Variants in PILRB observed in about 807,000 individuals in gnomAD.
PILRB encodes paired immunoglobulin-like type 2 receptor beta.
A neutral mutation model predicts 20.5 loss-of-function variants in PILRB; 21 were observed. The ratio of observed to expected loss-of-function variants is 1.02; its 90% CI spans 0.72 to 1.47. The LOEUF (loss-of-function observed/expected upper bound fraction) is 1.47. Ranked by LOEUF, PILRB falls within the 40% of genes most tolerant of loss-of-function variation. The pLI, the probability that PILRB is intolerant of heterozygous loss-of-function variation, is 0.00. For synonymous variants in PILRB, 133 were observed against 115.1 expected (o/e 1.16, Z -0.99); for missense variants, 253 against 272.1 (o/e 0.93, Z 0.49).
At chr7:100,363,130 CT>C (rs1790579077) in intron 3 of PILRB, among the ~76,000 whole-genome samples, 1 of 117,770 alleles carries the variant, frequency 8.5e-6, no homozygotes, top group African/African-American at 3.4e-5. Flanking sequence ...CCCATCTCTA[CT>C]TAAAAAAAAA....
At chr7:100,359,242 T>C (rs955093212) in intron 2 of PILRB, 95 bp from the exon 3 acceptor site, 4 of 1,519,312 alleles carry the variant, frequency 2.6e-6, no homozygotes, top group African/African-American at 1.4e-5. Context: ...TTGCTCATCC[T>C]GAATGTCCCC....
At chr7:100,362,448 G>A (rs1790555783) in intron 3 of PILRB, among the ~76,000 whole-genome samples, 1 of 151,976 alleles carries the variant, frequency 6.6e-6, no homozygotes, top group Admixed American at 6.6e-5. Context: ...GCAGAATGAA[G>A]GACAAAACCC....
At chr7:100,361,125 C>T (rs1368361099) in intron 3 of PILRB, among the ~76,000 whole-genome samples, 3 of 151,852 alleles carry the variant, frequency 2.0e-5, no homozygotes, top group Non-Finnish European at 4.4e-5. Context: ...TTAGTAGAGA[C>T]GGGGTTTCAC....
At chr7:100,358,418 G>T (rs773724536) in intron 1 of PILRB, 52 bp downstream of exon 1, 2 of 1,593,592 alleles carry the variant, frequency 1.3e-6, no homozygotes, top group Non-Finnish European at 1.7e-6. Context: ...CACAGGAGGG[G>T]CCAACCCAAG....
chr7:100,359,580 G>A (rs1404150799), intron 3 of PILRB, 43 bp downstream of exon 3: 7 of 1,564,312 alleles, frequency 4.5e-6, no homozygotes, highest in Non-Finnish European at 6.2e-6. Flanking sequence ...TTCCCAGCTG[G>A]GGGTTTCTCT....
At chr7:100,361,072 AC>A (rs1362316099) in intron 3 of PILRB, among the ~76,000 whole-genome samples, 11 of 152,164 alleles carry the variant, frequency 7.2e-5, no homozygotes, top group African/African-American at 2.2e-4. Context: ...AGTAGCTGGG[AC>A]TACAGGCGCC....
chr7:100,358,276 C>T lies in PILRB; in HGVS notation c.-27C>T. The T allele has an allele frequency of 6.2e-7, 1 of 1,611,558 alleles. No homozygotes were observed. Among genetic ancestry groups the T allele is most frequent in the South Asian group, 1.1e-5 (1 of 91,026 alleles). On this transcript the variant is annotated 5_prime_UTR_variant, in exon 1 of 4. Transcript: ENST00000609309. ...CCTGCCTGGACAGCTCTGCTGGTCTCCCCGTCCCCTGGAGAAGAACAAGGC... is the reference window on the plus strand; with the variant it reads ...CCTGCCTGGACAGCTCTGCTGGTCTTCCCGTCCCCTGGAGAAGAACAAGGC...
chr7:100,359,343 C>T lies in PILRB; in HGVS notation c.461C>T (p.Thr154Ile). The change falls in exon 3 of 4, where the codon ACA becomes ATA. Residue 154 changes from threonine to isoleucine, a missense_variant. Coordinates refer to ENST00000609309, the MANE Select transcript of PILRB (RefSeq NM_178238.4). The stretch of plus-strand genomic sequence containing the variant: ...CATTCCTCATCTCTTCCAGCTGTCA[C>T]AACCACCACCACCTGGAGGCCCAGC... ...GTKLTITQAV[T>I]TTTTWRPSST... The T allele has an allele frequency of 1.9e-6, 3 of 1,614,110 alleles. No homozygotes were observed. The highest frequency in any genetic ancestry group is 2.2e-5 in the South Asian group (2 of 91,074).
intron 3 of PILRB, among the ~76,000 whole-genome samples, chr7:100,366,672 A>G (rs1040619235): frequency 2.6e-5 from 4 of 152,070 alleles, no homozygotes; most frequent in Non-Finnish European, 5.9e-5. Context: ...GGGCAGACAC[A>G]GCCGCCACCC....
chr7:100,359,581 G>C lies in PILRB; in HGVS notation c.655+44G>C, dbSNP rs773899098. The C allele has an allele frequency of 1.9e-6, 3 of 1,551,146 alleles. No individual in the cohort carries two copies. The Admixed American group carries it at 5.1e-5, about 26-fold the overall frequency. ...CTGTCTCCTCAAGCTTCCCAGCTGG[G>C]GGTTTCTCTGAGCCCACCTGCAGCT... On this transcript the variant is annotated intron_variant, in intron 3 of 3. Transcript: ENST00000609309.
At position 100,359,319 on chromosome 7, in the gene PILRB, A is replaced by G; in HGVS notation, c.455-18A>G. The G allele has an allele frequency of 6.2e-7, 1 of 1,612,640 alleles. No individual in the cohort carries two copies. Among genetic ancestry groups the G allele is most frequent in the Non-Finnish European group, 8.5e-7 (1 of 1,178,864 alleles). On this transcript the variant is annotated intron_variant, in intron 2 of 3. Coordinates refer to ENST00000609309, the MANE Select transcript of PILRB (RefSeq NM_178238.4). Reference sequence around the variant, plus strand: ...CACACCCCCAGAAGAGGGTCTGCTCATTCCTCATCTCTTCCAGCTGTCACA... The same window carrying G: ...CACACCCCCAGAAGAGGGTCTGCTCGTTCCTCATCTCTTCCAGCTGTCACA...
chr7:100,366,391 G>A (rs1790686418), intron 3 of PILRB, among the ~76,000 whole-genome samples: 1 of 152,132 alleles, frequency 6.6e-6, no homozygotes, highest in South Asian at 2.1e-4. Flanking sequence ...GTTGAGGGGT[G>A]CCGTGAGGCC....
chr7:100,364,595 G>GT (rs1292599470), intron 3 of PILRB, among the ~76,000 whole-genome samples: 1 of 152,200 alleles, frequency 6.6e-6, no homozygotes, highest in Non-Finnish European at 1.5e-5. Context: ...CAGAACTGGG[G>GT]TTAATCAGAA....
chr7:100,358,361 A>C lies in PILRB; in HGVS notation c.59A>C (p.Gln20Pro), dbSNP rs1217085124. Residue 20 changes from glutamine (Q) to proline (P), a missense_variant, in exon 1 of 4, where the codon CAG (glutamine) becomes CCG (proline). Physicochemically the swap from Gln to Pro is moderately conservative, Grantham distance 76. Coordinates refer to ENST00000609309, the MANE Select transcript of PILRB (RefSeq NM_178238.4). ...LLLLQPPAFL[Q>P]PGGSTGSGPS... The stretch of plus-strand genomic sequence containing the variant: ...CTGCTGCAGCCGCCAGCATTTCTGC[A>C]GCCTGGTGAGTACCCAGGACCGCCC... 1 of 1,612,486 alleles carries C rather than the reference A, an allele frequency of 6.2e-7. No homozygotes were observed. The highest frequency in any genetic ancestry group is 1.3e-5 in the African/African-American group (1 of 75,066).
rs1790443864 is a variant in PILRB, at chr7:100,358,868, C to T, written c.243C>T (p.Phe81=). Residue 81 remains phenylalanine, a synonymous_variant, in exon 2 of 4, where the codon TTC becomes TTT. Coordinates refer to ENST00000609309, the MANE Select transcript of PILRB (RefSeq NM_178238.4). ...GGGGCCACTTCCACGGGCAGTCCTT[C>T]TACAGCACAAGGCCGCCTTCCATTC... ...WRRGHFHGQS[F]YSTRPPSIHK... is the part of the protein sequence containing the mutation. 1.2e-6 allele frequency: 2 copies of T among 1,614,114 alleles called. No homozygotes were observed.
At chr7:100,363,119 C>G (rs192634869) in intron 3 of PILRB, among the ~76,000 whole-genome samples, 17 of 145,514 alleles carry the variant, frequency 1.2e-4, no homozygotes, top group African/African-American at 3.8e-4. Flanking sequence ...CATGGCAAAA[C>G]CCCATCTCTA....
chr7:100,362,974 G>A (rs377452588), intron 3 of PILRB, among the ~76,000 whole-genome samples: 2 of 151,958 alleles, frequency 1.3e-5, no homozygotes, highest in East Asian at 1.9e-4. Flanking sequence ...AAGGATGCCC[G>A]ATCTCACTAC....
Position 100,359,015 on chromosome 7 carries a change from C to T in PILRB, c.390C>T (p.Asp130=). The change falls in exon 2 of 4, where the codon GAC becomes GAT. Residue 130 remains aspartate (D), a synonymous_variant. Coordinates refer to ENST00000609309, the MANE Select transcript of PILRB (RefSeq NM_178238.4). The part of the protein sequence containing the change: ...QSVYFCRVEL[D]TRRSGRQQLQ... ...TGTATTTCTGCCGAGTCGAGCTGGA[C>T]ACCCGGAGATCAGGGAGGCAGCAGT... 2 of 1,614,114 alleles carry T rather than the reference C, an allele frequency of 1.2e-6. No individual in the cohort carries two copies. The highest frequency in any genetic ancestry group is 1.7e-6 in the Non-Finnish European group (2 of 1,180,024).
chr7:100,363,779 A>G (rs1790596497), intron 3 of PILRB, among the ~76,000 whole-genome samples: 4 of 152,196 alleles, frequency 2.6e-5, no homozygotes, highest in African/African-American at 4.8e-5. Context: ...AAATGTATTA[A>G]AAACTATGGT....
Sources: gnomAD v4.1 joint callset for allele counts (sites outside exome capture counted in the v4.1 genomes callset) on GRCh38, gnomAD v4.1.1 for gene constraint, MANE v1.5 for transcripts, NCBI Gene and HGNC (gene_info 2026-07-23, HGNC 2026-07-21) for gene names.